Variants in CFAP58 observed in about 807,000 individuals in gnomAD.
CFAP58 encodes cilia- and flagella-associated protein 58.
In CFAP58, 88 loss-of-function variants were observed where a neutral mutation model predicts 119.5. The observed-to-expected ratio is 0.74, with a 90% CI of 0.62 to 0.88. The LOEUF is 0.88. Ranked by LOEUF, CFAP58 falls within the 40% of genes least tolerant of loss-of-function variation. The probability of loss-of-function intolerance (pLI) is 0.00; values close to 1 mark genes in which losing one functional copy is unlikely to be tolerated. For missense variants in CFAP58, 990 were observed against 1,021.2 expected, an observed-to-expected ratio of 0.97 and a Z score of 0.42; for synonymous variants, 365 against 366.3, an observed-to-expected ratio of 1.00 and a Z score of 0.04.
chr10:104,405,199 A>T (rs996918594), intron 14 of CFAP58, among the ~76,000 whole-genome samples: 1 of 152,218 alleles, frequency 6.6e-6, no homozygotes, highest in African/African-American at 2.4e-5. Context: ...CAATAGATGG[A>T]TATCAGTTGG....
chr10:104,436,281 C>A (rs1419289555), intron 15 of CFAP58, among the ~76,000 whole-genome samples: 2 of 152,052 alleles, frequency 1.3e-5, no homozygotes, highest in Non-Finnish European at 2.9e-5. Context: ...ATATACGATA[C>A]AATAGAATAA....
chr10:104,358,819 T>C (rs903827647), intron 2 of CFAP58, among the ~76,000 whole-genome samples, 197 bp downstream of exon 2: 4 of 152,078 alleles, frequency 2.6e-5, no homozygotes, highest in Admixed American at 2.6e-4. Flanking sequence ...ATGCAGAAAA[T>C]AATGGAGAAT....
intron 6 of CFAP58, 74 bp downstream of exon 6, chr10:104,368,634 T>C (rs1015538771): frequency 5.3e-5 from 81 of 1,532,698 alleles, no homozygotes; most frequent in Non-Finnish European, 7.1e-5. Context: ...ATTGGAGCCC[T>C]CAGTTGGAGA....
At chr10:104,357,983 G>GTATATA (rs1564876270) in intron 1 of CFAP58, among the ~76,000 whole-genome samples, 2 of 128,258 alleles carry the variant, frequency 1.6e-5, no homozygotes, top group East Asian at 4.4e-4. Flanking sequence ...ATGTACATAT[G>GTATATA]TACACATATA....
chr10:104,420,488 T>A (rs977936311), intron 15 of CFAP58, among the ~76,000 whole-genome samples: 8 of 152,206 alleles, frequency 5.3e-5, no homozygotes, highest in Admixed American at 2.6e-4. Flanking sequence ...AGCAAGGGTC[T>A]TTTTTGTGTT....
chr10:104,382,607 G>A (rs965092616), intron 9 of CFAP58, among the ~76,000 whole-genome samples: 1 of 152,170 alleles, frequency 6.6e-6, no homozygotes, highest in African/African-American at 2.4e-5. Context: ...ATCTTGAATT[G>A]TAATCCCCAT....
intron 15 of CFAP58, among the ~76,000 whole-genome samples, chr10:104,412,413 T>G (rs2012475433): frequency 6.6e-6 from 1 of 152,114 alleles, no homozygotes; most frequent in Non-Finnish European, 1.5e-5. Context: ...AATCAATTCC[T>G]TATTTAGCGT....
intron 15 of CFAP58, among the ~76,000 whole-genome samples, chr10:104,434,858 G>T (rs1267449055): frequency 1.3e-5 from 2 of 152,196 alleles, no homozygotes; most frequent in Admixed American, 1.3e-4. Context: ...GACCCACACA[G>T]TCTCTAGGAA....
At chr10:104,445,828 T>A (rs997600905) in intron 15 of CFAP58, among the ~76,000 whole-genome samples, 1 of 152,248 alleles carries the variant, frequency 6.6e-6, no homozygotes, top group Admixed American at 6.5e-5. Flanking sequence ...AACTTTCTTC[T>A]CTGTGTCTTT....
intron 6 of CFAP58, 143 bp from the exon 7 acceptor site, chr10:104,370,752 T>C: frequency 3.2e-6 from 2 of 625,162 alleles, no homozygotes; most frequent in Non-Finnish European, 5.1e-6. Flanking sequence ...AAAACCAAAT[T>C]GTGTGTGCTT....
At chr10:104,443,430 G>A (rs1020577596) in intron 15 of CFAP58, among the ~76,000 whole-genome samples, 1 of 152,156 alleles carries the variant, frequency 6.6e-6, no homozygotes, top group Non-Finnish European at 1.5e-5. Context: ...TGCCTGTTTC[G>A]CTTGAGTCAG....
Position 104,367,433 on chromosome 10 carries a change from CT to C in CFAP58, c.793-981del, listed in dbSNP as rs887258680. Among the ~76,000 whole-genome samples the C allele has an allele frequency of 2.9e-3, 446 of 151,518 alleles. 4 individuals carry two copies. Among genetic ancestry groups the C allele is most frequent in the African/African-American group, 9.3e-3 (383 of 41,360 alleles). On this transcript the variant is annotated intron_variant, in intron 5 of 17. Transcript: ENST00000369704. ...ATACTCAAAAATAGATATAAATATA[CT>C]TTTTTTTTGTCCGTTGCTCTATTAA...
the CFAP58 span, among the ~76,000 whole-genome samples, chr10:104,342,749 G>T: frequency 2.0e-5 from 3 of 150,754 alleles, no homozygotes; most frequent in East Asian, 5.8e-4. Flanking sequence ...GGAGGCTGAG[G>T]CACGAGAATC....
chr10:104,432,371 G>A (rs1011667872), intron 15 of CFAP58, among the ~76,000 whole-genome samples: 5 of 152,084 alleles, frequency 3.3e-5, no homozygotes, highest in African/African-American at 7.2e-5. Flanking sequence ...GTGAACATGT[G>A]AAAATAAGGT....
intron 16 of CFAP58, 43 bp from the exon 17 acceptor site, chr10:104,450,028 G>T (rs1340057043): frequency 8.3e-6 from 13 of 1,565,232 alleles, no homozygotes; most frequent in Non-Finnish European, 9.5e-6. Context: ...CTCAGAAAAG[G>T]ATATTGTATC....
chr10:104,343,500 G>T, the CFAP58 span, among the ~76,000 whole-genome samples: 1 of 152,190 alleles, frequency 6.6e-6, no homozygotes, highest in Non-Finnish European at 1.5e-5. Context: ...GGAATCATTA[G>T]ATTCTACAGA....
At chr10:104,416,918 G>C (rs1245284241) in intron 15 of CFAP58, among the ~76,000 whole-genome samples, 5 of 152,178 alleles carry the variant, frequency 3.3e-5, no homozygotes, top group Non-Finnish European at 7.3e-5. Flanking sequence ...TGTATAGATT[G>C]CCTTGGTCAT....
intron 15 of CFAP58, among the ~76,000 whole-genome samples, chr10:104,433,085 A>C (rs1464417236): frequency 6.6e-6 from 1 of 152,210 alleles, no homozygotes; most frequent in Non-Finnish European, 1.5e-5. Flanking sequence ...TAACTTTAAC[A>C]CTAAAGATGC....
chr10:104,403,745 A>G lies in CFAP58; in HGVS notation c.2056A>G (p.Met686Val), dbSNP rs1375942899. ...CTTATTCAGACAGGAGTTTTTTCAC[A>G]TGCAAAGAGAATTGTTGAAGGAGAG... ...VEELRQEFFHMQRELLKERTR... is the reference protein window; with the variant it reads ...VEELRQEFFHVQRELLKERTR... Residue 686 changes from methionine (M) to valine (V), a missense_variant, in exon 14 of 18, where the codon ATG becomes GTG. Coordinates refer to ENST00000369704, the MANE Select transcript of CFAP58 (RefSeq NM_001008723.2). 3 of 1,610,248 alleles carry G rather than the reference A, an allele frequency of 1.9e-6. No individual in the cohort carries two copies. Among genetic ancestry groups the G allele is most frequent in the Non-Finnish European group, 2.5e-6 (3 of 1,178,514 alleles).
Sources: gnomAD v4.1 joint callset for allele counts (sites outside exome capture counted in the v4.1 genomes callset) on GRCh38, gnomAD v4.1.1 for gene constraint, MANE v1.5 for transcripts, NCBI Gene and HGNC (gene_info 2026-07-23, HGNC 2026-07-21) for gene names.